The following CHD9 variants were observed in gnomAD, a reference collection of about 807,000 sequenced individuals.
The protein encoded by CHD9 is ATP-dependent chromatin remodeler CHD9.
Under a neutral mutation model 316.1 loss-of-function variants are expected in CHD9, and 77 were observed. That is an observed-to-expected ratio of 0.24 (90% confidence interval 0.20 to 0.29). CHD9 has a LOEUF of 0.29. Ranked by LOEUF, CHD9 falls within the 10% of genes least tolerant of loss-of-function variation. CHD9 has a pLI of 1.00. For synonymous variants in CHD9, 1,129 were observed against 1,158.3 expected, an observed-to-expected ratio of 0.97 and a Z score of 0.51; for missense variants, 2,763 against 3,438.1, an observed-to-expected ratio of 0.80 and a Z score of 4.91.
chr16:53,280,634 T>C (rs1334034623), intron 24 of CHD9, among the ~76,000 whole-genome samples: 1 of 150,906 alleles, frequency 6.6e-6, no homozygotes, highest in African/African-American at 2.4e-5. Context: ...AACTTACTCA[T>C]GTAACCAAAT....
intron 22 of CHD9, among the ~76,000 whole-genome samples, chr16:53,270,534 A>G (rs548375449): frequency 6.6e-6 from 1 of 152,300 alleles, no homozygotes; most frequent in South Asian, 2.1e-4. Context: ...TGATTGATTT[A>G]TTACATTTAC....
chr16:53,215,304 A>T (rs780259765), intron 3 of CHD9, among the ~76,000 whole-genome samples: 13 of 152,224 alleles, frequency 8.5e-5, no homozygotes, highest in Admixed American at 2.0e-4. Context: ...CTTATTTCTT[A>T]CTTACATTAA....
At chr16:53,291,793 A>G (rs765180649) in intron 28 of CHD9, 26 bp downstream of exon 28, 1 of 1,371,052 alleles carries the variant, frequency 7.3e-7, no homozygotes, top group Non-Finnish European at 9.9e-7. Context: ...TTCTGTACTT[A>G]GTATTATTGT....
At chr16:53,153,619 CT>C (rs1250661126) in intron 1 of CHD9, among the ~76,000 whole-genome samples, 3 of 152,160 alleles carry the variant, frequency 2.0e-5, no homozygotes, top group Non-Finnish European at 4.4e-5. Flanking sequence ...GCCTCAATCT[CT>C]CAGGCTCAAG....
At chr16:53,179,896 CAA>C (rs201107556) in intron 2 of CHD9, among the ~76,000 whole-genome samples, 6 of 113,266 alleles carry the variant, frequency 5.3e-5, no homozygotes, top group Admixed American at 9.4e-5. Flanking sequence ...GACTTCATCT[CAA>C]AAAAAAAAAA....
At chr16:53,233,588 A>ACCTTCTCCCCTTCCTTCCTTCCTCC (rs2048362634) in intron 10 of CHD9, among the ~76,000 whole-genome samples, 4 of 151,894 alleles carry the variant, frequency 2.6e-5, no homozygotes, top group African/African-American at 9.7e-5. Flanking sequence ...GATCAACTTG[A>ACCTTCTCCCCTTCCTTCCTTCCTCC]CCTTCTCCCC....
chr16:53,303,631 TATAAA>T (rs1416556912), intron 30 of CHD9, 84 bp from the exon 31 acceptor site: 2 of 968,738 alleles, frequency 2.1e-6, no homozygotes, highest in African/African-American at 3.3e-5. Flanking sequence ...ATGGTATTGT[TATAAA>T]TATATAAAGA....
At chr16:53,243,532 C>T (rs1299672120) in intron 13 of CHD9, among the ~76,000 whole-genome samples, 4 of 152,136 alleles carry the variant, frequency 2.6e-5, no homozygotes, top group African/African-American at 9.7e-5. Flanking sequence ...AGGCTGGTCT[C>T]GAACTCCCGA....
In CHD9 at chr16:53,318,316, G is replaced by A. The variant is rs2057028400; in HGVS notation, c.7689G>A (p.Leu2563=). 6.2e-7 allele frequency: 1 copy of A among 1,604,930 alleles called. No individual in the cohort carries two copies. The highest frequency in any genetic ancestry group is 1.1e-5 in the South Asian group (1 of 88,628). ...NSLTGEERVQ[L]INRRNARKVG... is the part of the protein sequence containing the mutation. ...TCACTGGAGAAGAACGTGTTCAACTGATTAACAGAAGAAATGCTAGAAAGG... is the reference window on the plus strand; with the variant it reads ...TCACTGGAGAAGAACGTGTTCAACTAATTAACAGAAGAAATGCTAGAAAGG... The change falls in exon 37 of 39, where the codon CTG becomes CTA. Residue 2563 remains leucine (L), a synonymous_variant. Transcript: ENST00000447540.
At position 53,321,407 on chromosome 16, in the gene CHD9, T is replaced by C. The variant is rs553102381; in HGVS notation, c.7714-119T>C. 10 of 1,396,716 alleles carry C rather than the reference T, an allele frequency of 7.2e-6. No homozygotes were observed. In the East Asian group the frequency reaches 2.3e-4, roughly 32 times the overall value. 86.5% of individuals were successfully genotyped at this position (1,396,716 alleles called of 1,614,324 possible). A position where few individuals can be genotyped will look rare whatever the true frequency, so the allele number is the denominator to read the frequency against. ...TTTTAATATAATCATAAAGATTACCTAAGGTGGTTCAAAAAATATGTATTT... is the reference window on the plus strand; with the variant it reads ...TTTTAATATAATCATAAAGATTACCCAAGGTGGTTCAAAAAATATGTATTT... On this transcript the variant is annotated intron_variant, in intron 37 of 38. Coordinates refer to ENST00000447540, the MANE Select transcript of CHD9 (RefSeq NM_001308319.2).
intron 1 of CHD9, among the ~76,000 whole-genome samples, chr16:53,119,374 A>T (rs940708205): frequency 3.8e-5 from 3 of 79,934 alleles, no homozygotes; most frequent in African/African-American, 6.2e-5. Context: ...ACTGTTATTT[A>T]AAAAAAAAAC....
At chr16:53,242,683 T>TA (rs1168861561) in intron 12 of CHD9, among the ~76,000 whole-genome samples, 157 bp from the exon 13 acceptor site, 1 of 152,208 alleles carries the variant, frequency 6.6e-6, no homozygotes, top group African/African-American at 2.4e-5. Flanking sequence ...TATAATACAG[T>TA]TTCAATGATA....
At chr16:53,172,944 G>A (rs778230046) in intron 2 of CHD9, among the ~76,000 whole-genome samples, 1 of 152,022 alleles carries the variant, frequency 6.6e-6, no homozygotes, top group Non-Finnish European at 1.5e-5. Context: ...CCAGTCTGTG[G>A]GTTGCCTTTT....
At chr16:53,093,935 T>A (rs11644756) in intron 1 of CHD9, among the ~76,000 whole-genome samples, 68,180 of 151,610 alleles carry the variant, frequency 0.45, 16,050 homozygotes, top group East Asian at 0.66. Flanking sequence ...ATTGCGAGTG[T>A]CCCAGTTAGT....
At chr16:53,303,580 G>A in intron 30 of CHD9, 140 bp from the exon 31 acceptor site, 1 of 537,138 alleles carries the variant, frequency 1.9e-6, no homozygotes, top group Non-Finnish European at 2.8e-6. Flanking sequence ...AAGAAATTCT[G>A]GAAACTATAC....
chr16:53,118,798 T>TTC (rs1270360415), intron 1 of CHD9, among the ~76,000 whole-genome samples: 2 of 149,584 alleles, frequency 1.3e-5, no homozygotes, highest in Non-Finnish European at 3.0e-5. Context: ...ACTTTCTTTT[T>TTC]TTTTTTTTTT....
chr16:53,186,053 G>A (rs779190945), intron 2 of CHD9, among the ~76,000 whole-genome samples: 9 of 152,214 alleles, frequency 5.9e-5, no homozygotes, highest in Admixed American at 2.0e-4. Flanking sequence ...GCACTGCCTA[G>A]TGGAGCTGTG....
At chr16:53,309,631 GTT>G (rs913720173) in intron 34 of CHD9, among the ~76,000 whole-genome samples, 1 of 152,084 alleles carries the variant, frequency 6.6e-6, no homozygotes, top group African/African-American at 2.4e-5. Context: ...TTTAGTTTTT[GTT>G]TTGTTTTGGA....
intron 24 of CHD9, among the ~76,000 whole-genome samples, chr16:53,279,477 T>C (rs908631177): frequency 6.6e-6 from 1 of 152,170 alleles, no homozygotes; most frequent in Non-Finnish European, 1.5e-5. Flanking sequence ...AATCTGCACG[T>C]TGTGCACATG....
Sources: gnomAD v4.1 joint callset for allele counts (sites outside exome capture counted in the v4.1 genomes callset) on GRCh38, gnomAD v4.1.1 for gene constraint, MANE v1.5 for transcripts, NCBI Gene and HGNC (gene_info 2026-07-23, HGNC 2026-07-21) for gene names.